Variants in ALPK2 observed in about 807,000 individuals in gnomAD.
ALPK2 encodes alpha kinase 2.
A neutral mutation model predicts 163.1 loss-of-function variants in ALPK2; 127 were observed. The ratio of observed to expected loss-of-function variants is 0.78; its 90% confidence interval spans 0.67 to 0.90. ALPK2 has a LOEUF of 0.90. Among genes scored for constraint, ALPK2 ranks in the 40% least tolerant of loss-of-function variants. The pLI is 0.00. For missense variants in ALPK2, 2,360 were observed against 2,589.6 expected (o/e 0.91, Z 1.92); for synonymous variants, 953 against 959.1 (o/e 0.99, Z 0.12).
At chr18:58,592,667 A>G (rs1368093554) in intron 3 of ALPK2, among the ~76,000 whole-genome samples, 1 of 152,110 alleles carries the variant, frequency 6.6e-6, no homozygotes, top group African/African-American at 2.4e-5. Flanking sequence ...GTGTGTGTGA[A>G]CTGCAGGGGA....
intron 3 of ALPK2, among the ~76,000 whole-genome samples, chr18:58,602,851 T>C (rs112640974): frequency 1.3e-5 from 2 of 152,286 alleles, no homozygotes; most frequent in Middle Eastern, 3.4e-3. Context: ...AAGATGGCAA[T>C]GAAAGTGACC....
At chr18:58,503,100 C>T (rs1290458826) in intron 11 of ALPK2, among the ~76,000 whole-genome samples, 1 of 152,262 alleles carries the variant, frequency 6.6e-6, no homozygotes, top group African/African-American at 2.4e-5. Flanking sequence ...GTACCTGTCT[C>T]AGGTCTGTCT....
Position 58,535,022 on chromosome 18 carries a change from T to C in ALPK2, c.5165A>G (p.His1722Arg). ...KRKPEAPGSG[H>R]LAEGVKKKIL... ...TTTCTTCTTTACTCCCTCAGCTAAA[T>C]GTCCACTGCCTGGGGCTTCTGGCTT... The change falls in exon 5 of 13, where the codon CAT becomes CGT. Residue 1722 changes from histidine to arginine, a missense_variant. By Grantham distance (29) the His-to-Arg change is conservative. Transcript: ENST00000361673. 6.2e-7 allele frequency: 1 copy of C among 1,614,132 alleles called. No homozygotes were observed. Among genetic ancestry groups the C allele is most frequent in the South Asian group, 1.1e-5 (1 of 91,076 alleles).
intron 4 of ALPK2, among the ~76,000 whole-genome samples, chr18:58,547,760 A>C (rs1314018975): frequency 6.6e-6 from 1 of 152,178 alleles, no homozygotes; most frequent in African/African-American, 2.4e-5. Flanking sequence ...GGGCCTATGG[A>C]TATCCTGTTA....
At position 58,504,091 on chromosome 18, in the gene ALPK2, C is replaced by T. The variant is rs753837554; in HGVS notation, c.6087G>A (p.Val2029=). Reference sequence around the variant, plus strand: ...CAAATTCTCCAATCAGCTCCTCCTCCACTGTAGCATACGGGATATTGTTCT... The same window carrying T: ...CAAATTCTCCAATCAGCTCCTCCTCTACTGTAGCATACGGGATATTGTTCT... The part of the protein sequence containing the change: ...RPENNIPYAT[V]EEELIGEFVK... Residue 2029 remains valine, a synonymous_variant, in exon 11 of 13, where the codon GTG becomes GTA. Coordinates refer to ENST00000361673, the MANE Select transcript of ALPK2 (RefSeq NM_052947.4). 1.2e-6 allele frequency: 2 copies of T among 1,614,204 alleles called. No individual in the cohort carries two copies. The highest frequency in any genetic ancestry group is 8.5e-7 in the Non-Finnish European group (1 of 1,180,032).
chr18:58,600,027 CTTTTTTTT>C (rs1166291584), intron 3 of ALPK2, among the ~76,000 whole-genome samples: 3 of 66,860 alleles, frequency 4.5e-5, no homozygotes, highest in South Asian at 8.0e-4. Context: ...ATGGGGATAT[CTTTTTTTT>C]TTTTTTTTTT....
intron 4 of ALPK2, among the ~76,000 whole-genome samples, chr18:58,561,443 T>C (rs772319914): frequency 1.3e-5 from 2 of 152,084 alleles, no homozygotes; most frequent in Non-Finnish European, 2.9e-5. Context: ...ACCTTAATGG[T>C]AGGCATTAGG....
At chr18:58,525,398 C>T (rs1267929722) in intron 6 of ALPK2, among the ~76,000 whole-genome samples, 2 of 152,138 alleles carry the variant, frequency 1.3e-5, no homozygotes, top group Non-Finnish European at 2.9e-5. Flanking sequence ...TGTGGAAAGT[C>T]CTTCTCCAAG....
intron 4 of ALPK2, among the ~76,000 whole-genome samples, chr18:58,573,224 G>GTTTATATA: frequency 7.7e-6 from 1 of 130,702 alleles, no homozygotes; most frequent in African/African-American, 3.0e-5. Flanking sequence ...GTATATATAT[G>GTTTATATA]TGTATATGTG....
At chr18:58,483,726 A>ATTTTTT (rs35380816) in intron 12 of ALPK2, among the ~76,000 whole-genome samples, 1 of 132,828 alleles carries the variant, frequency 7.5e-6, no homozygotes, top group Non-Finnish European at 1.6e-5. Context: ...AATTTTTTGT[A>ATTTTTT]TTTTTTTTTT....
chr18:58,559,912 G>A (rs1439213375), intron 4 of ALPK2, among the ~76,000 whole-genome samples: 5 of 152,154 alleles, frequency 3.3e-5, no homozygotes, highest in Non-Finnish European at 5.9e-5. Flanking sequence ...TGTAACAAAT[G>A]ACCACAAATT....
chr18:58,618,931 G>C (rs887855169), intron 1 of ALPK2, among the ~76,000 whole-genome samples: 2 of 152,206 alleles, frequency 1.3e-5, no homozygotes, highest in African/African-American at 4.8e-5. Context: ...GGCTCTTGTG[G>C]AGCTGGCAGG....
At chr18:58,563,387 G>C (rs2144178806) in intron 4 of ALPK2, among the ~76,000 whole-genome samples, 1 of 152,316 alleles carries the variant, frequency 6.6e-6, no homozygotes, top group South Asian at 2.1e-4. Flanking sequence ...CAGCTAGAAA[G>C]GGGGAACAGA....
chr18:58,586,550 C>T (rs1478877427), intron 3 of ALPK2, among the ~76,000 whole-genome samples: 1 of 152,168 alleles, frequency 6.6e-6, no homozygotes, highest in Non-Finnish European at 1.5e-5. Flanking sequence ...CAAGACTCCA[C>T]AACCACAGTG....
At chr18:58,583,389 C>T (rs1452060562) in intron 3 of ALPK2, among the ~76,000 whole-genome samples, 1 of 152,006 alleles carries the variant, frequency 6.6e-6, no homozygotes, top group Non-Finnish European at 1.5e-5. Context: ...CTTAGGGATC[C>T]CCTTGGCCAA....
At chr18:58,621,558 A>C (rs535504967) in intron 1 of ALPK2, among the ~76,000 whole-genome samples, 1 of 152,308 alleles carries the variant, frequency 6.6e-6, no homozygotes, top group Admixed American at 6.5e-5. Flanking sequence ...GGCGTGAGCC[A>C]CTGCACCAGG....
chr18:58,588,439 G>A lies in ALPK2; in HGVS notation c.228-7891C>T, dbSNP rs564464547. On this transcript the variant is annotated intron_variant, in intron 3 of 12. Coordinates refer to ENST00000361673, the MANE Select transcript of ALPK2 (RefSeq NM_052947.4). ...TTTAATTTTTATTTTAACTTCTGGG[G>A]TACATGTGCAGGATGTGCAGGTTTC... Among the ~76,000 whole-genome samples, 6 of 152,132 alleles carry A rather than the reference G, an allele frequency of 3.9e-5. No homozygotes were observed. The East Asian group carries it at 1.2e-3, about 29-fold the overall frequency.
At chr18:58,499,565 T>C (rs539618319) in intron 11 of ALPK2, among the ~76,000 whole-genome samples, 200 of 152,310 alleles carry the variant, frequency 1.3e-3, no homozygotes, top group Non-Finnish European at 2.3e-3. Flanking sequence ...CCTGTCTCCT[T>C]AGGGTGAGGG....
intron 4 of ALPK2, among the ~76,000 whole-genome samples, chr18:58,562,607 C>T (rs1371485853): frequency 1.3e-5 from 2 of 152,182 alleles, no homozygotes; most frequent in Non-Finnish European, 2.9e-5. Flanking sequence ...CATTTATGTA[C>T]CAAATGGCTC....
Sources: gnomAD v4.1 joint callset for allele counts (sites outside exome capture counted in the v4.1 genomes callset) on GRCh38, gnomAD v4.1.1 for gene constraint, MANE v1.5 for transcripts, NCBI Gene and HGNC (gene_info 2026-07-23, HGNC 2026-07-21) for gene names.